TRPC5: variants seen among roughly 807,000 people sequenced by gnomAD.
The protein encoded by TRPC5 is transient receptor potential cation channel subfamily C member 5.
In TRPC5, 9 loss-of-function variants were observed where a neutral mutation model predicts 56.5. The ratio of observed to expected loss-of-function variants is 0.16; its 90% confidence interval spans 0.10 to 0.28. The LOEUF is 0.28. Among genes scored for constraint, TRPC5 ranks in the 10% least tolerant of loss-of-function variants. TRPC5 has a pLI of 1.00. For missense variants in TRPC5, 469 were observed against 748.9 expected (o/e 0.63, Z 4.36); for synonymous variants, 282 against 278.5 (o/e 1.01, Z -0.13).
Position 111,828,411 on chromosome X carries a change from C to T in TRPC5, c.1896+6510G>A, listed in dbSNP as rs758387872. On this transcript the variant is annotated intron_variant, in intron 7 of 10. Coordinates refer to ENST00000262839, the MANE Select transcript of TRPC5 (RefSeq NM_012471.3). The stretch of plus-strand genomic sequence containing the variant: ...TATTTCCCCTGTTGGCACTCATTCT[C>T]TCTCCTGCTGCCCTGTGAAGAGGTG... 3.6e-5 allele frequency among the ~76,000 whole-genome samples: 4 copies of T among 111,973 alleles called. No homozygotes were observed. In the East Asian group the frequency reaches 1.1e-3, roughly 31 times the overall value.
At chrX:111,916,968 T>C (rs1925995595) in intron 2 of TRPC5, among the ~76,000 whole-genome samples, 1 of 112,932 alleles carries the variant, frequency 8.9e-6, no homozygotes, top group Non-Finnish European at 1.9e-5. Flanking sequence ...AAAGGCCTCA[T>C]ATGCCATGCT....
chrX:111,805,112 C>T (rs1264017402), intron 7 of TRPC5, among the ~76,000 whole-genome samples: 2 of 111,445 alleles, frequency 1.8e-5, no homozygotes, highest in African/African-American at 3.3e-5. Context: ...GGTAATCATG[C>T]GATTTTTTGT....
In TRPC5 at chrX:111,781,147, C is replaced by T. The variant is rs1470682466; in HGVS notation, c.2142+18G>A. 1.2e-5 allele frequency: 14 copies of T among 1,203,581 alleles called. No homozygotes were observed. Among genetic ancestry groups the T allele is most frequent in the Non-Finnish European group, 1.6e-5 (14 of 888,092 alleles). ...CAGCCAACAACTATTGTGCTTCATC[C>T]CTGTGAGGAAGCTTTACCTGATAAT... On this transcript the variant is annotated intron_variant, in intron 9 of 10. Coordinates refer to ENST00000262839, the MANE Select transcript of TRPC5 (RefSeq NM_012471.3).
intron 1 of TRPC5, among the ~76,000 whole-genome samples, chrX:111,985,007 T>C (rs1928176332): frequency 8.9e-6 from 1 of 112,637 alleles, no homozygotes; most frequent in Admixed American, 9.4e-5. Context: ...GTCTTCTGCA[T>C]AGGCCAAATG....
intron 1 of TRPC5, among the ~76,000 whole-genome samples, chrX:112,035,898 G>A (rs1035649182): frequency 2.7e-5 from 3 of 109,655 alleles, no homozygotes; most frequent in African/African-American, 6.7e-5. Flanking sequence ...CAAAGTGCTC[G>A]GACTACAGGC....
chrX:111,853,883 A>G lies in TRPC5; in HGVS notation c.1124T>C (p.Leu375Ser). ...CAGGAGAAGCATAAAGAGGAAGGTCAAATAGGATGCTGTGTGGCAGATAAA... is the reference window on the plus strand; with the variant it reads ...CAGGAGAAGCATAAAGAGGAAGGTCGAATAGGATGCTGTGTGGCAGATAAA... ...IKFICHTASYLTFLFMLLLAS... is the reference protein window; with the variant it reads ...IKFICHTASYSTFLFMLLLAS... Residue 375 changes from leucine to serine, a missense_variant, in exon 4 of 11, where the codon TTG (leucine) becomes TCG (serine). Physicochemically the swap from Leu to Ser is moderately radical, Grantham distance 145. Transcript: ENST00000262839. 8.3e-7 allele frequency: 1 copy of G among 1,212,051 alleles called. No individual in the cohort carries two copies. Among genetic ancestry groups the G allele is most frequent in the Non-Finnish European group, 1.1e-6 (1 of 895,552 alleles).
intron 6 of TRPC5, among the ~76,000 whole-genome samples, chrX:111,843,948 C>G (rs6567982): frequency 0.19 from 14,000 of 72,139 alleles, 2,612 homozygotes; most frequent in African/African-American, 0.57. Flanking sequence ...GAGAGAGAGA[C>G]AGAGAGAGAA....
intron 3 of TRPC5, among the ~76,000 whole-genome samples, chrX:111,876,457 TGG>T (rs1169830650): frequency 1.8e-5 from 2 of 111,718 alleles, no homozygotes; most frequent in Non-Finnish European, 3.8e-5. Context: ...CTTATTCAAG[TGG>T]GATACATATT....
intron 1 of TRPC5, among the ~76,000 whole-genome samples, chrX:112,029,056 G>A (rs931520058): frequency 4.5e-5 from 5 of 112,031 alleles, no homozygotes; most frequent in Admixed American, 9.5e-5. Context: ...TTGTCACCCT[G>A]TTGTGCTATC....
intron 7 of TRPC5, among the ~76,000 whole-genome samples, chrX:111,800,397 C>A (rs1466081864): frequency 5.4e-5 from 6 of 111,420 alleles, no homozygotes; most frequent in Non-Finnish European, 9.4e-5. Flanking sequence ...TTTGGAAGGC[C>A]GAGGAGGGTG....
intron 1 of TRPC5, among the ~76,000 whole-genome samples, chrX:112,003,915 C>T (rs1302028746): frequency 8.9e-6 from 1 of 112,092 alleles, no homozygotes; most frequent in African/African-American, 3.2e-5. Context: ...CAACGGCTAC[C>T]TAGGCAATCT....
rs1434339039 is a variant in TRPC5, at chrX:111,772,090, A to G, written c.*4223T>C. On this transcript the variant is annotated 3_prime_UTR_variant, in exon 11 of 11. Coordinates refer to ENST00000262839, the MANE Select transcript of TRPC5 (RefSeq NM_012471.3). ...AAGCCAAAACCCACATCTGTTGGAA[A>G]AAAAGTTACTGGAAGGTTCATTGGA... Among the ~76,000 whole-genome samples the G allele has an allele frequency of 9.0e-6, 1 of 111,692 alleles. No homozygotes were observed. Among genetic ancestry groups the G allele is most frequent in the Non-Finnish European group, 1.9e-5 (1 of 53,141 alleles).
At chrX:111,955,660 T>C (rs750635164) in intron 1 of TRPC5, among the ~76,000 whole-genome samples, 2 of 112,079 alleles carry the variant, frequency 1.8e-5, no homozygotes, top group Admixed American at 1.9e-4. Context: ...CCCTCACTCA[T>C]AGCTTTAGCC....
At chrX:112,002,512 G>A (rs941829672) in intron 1 of TRPC5, among the ~76,000 whole-genome samples, 17 of 111,459 alleles carry the variant, frequency 1.5e-4, no homozygotes, top group African/African-American at 5.6e-4. Flanking sequence ...TCTTTTTCTC[G>A]TTCTTTCTTA....
At chrX:111,911,854 A>C (rs1206285899) in intron 3 of TRPC5, among the ~76,000 whole-genome samples, 2 of 111,998 alleles carry the variant, frequency 1.8e-5, no homozygotes, top group South Asian at 7.5e-4. Context: ...ACTGCCCACT[A>C]TGTCCCCAGT....
chrX:111,870,606 C>T (rs920256528), intron 3 of TRPC5, among the ~76,000 whole-genome samples: 17 of 111,342 alleles, frequency 1.5e-4, no homozygotes, highest in African/African-American at 5.6e-4. Flanking sequence ...TAAATTGCCT[C>T]CCATCAGTGC....
At chrX:111,914,788 G>C (rs906515807) in intron 2 of TRPC5, among the ~76,000 whole-genome samples, 2 of 111,664 alleles carry the variant, frequency 1.8e-5, no homozygotes, top group Non-Finnish European at 3.8e-5. Flanking sequence ...GTAGGTCTGA[G>C]TGGGTCTGGA....
chrX:111,864,286 C>T (rs946422129), intron 3 of TRPC5, among the ~76,000 whole-genome samples: 1 of 112,433 alleles, frequency 8.9e-6, no homozygotes, highest in Non-Finnish European at 1.9e-5. Flanking sequence ...CCACACCTGG[C>T]CCATAGTGTC....
intron 7 of TRPC5, among the ~76,000 whole-genome samples, chrX:111,833,582 C>A (rs1334966841): frequency 9.0e-6 from 1 of 111,094 alleles, no homozygotes; most frequent in Non-Finnish European, 1.9e-5. Flanking sequence ...TATTTCATTG[C>A]CATTTATAGT....
Sources: allele counts gnomAD v4.1 joint callset (sites outside exome capture counted in the v4.1 genomes callset), GRCh38; gene constraint gnomAD v4.1.1; transcripts MANE v1.5; gene names NCBI Gene and HGNC (gene_info 2026-07-23, HGNC 2026-07-21).